The following NTAQ1 variants were observed in gnomAD, a reference collection of about 807,000 sequenced individuals.
NTAQ1 encodes the protein N-terminal glutamine amidase 1, also known as protein N-terminal glutamine amidohydrolase.
A neutral mutation model predicts 28.2 loss-of-function variants in NTAQ1; 21 were observed. That is an observed-to-expected ratio of 0.74 (90% CI 0.53 to 1.07). The LOEUF (loss-of-function observed/expected upper bound fraction) is 1.07. NTAQ1 is among the 50% of genes least tolerant of loss of function. The probability of loss-of-function intolerance (pLI) is 0.00; values close to 1 mark genes in which losing one functional copy is unlikely to be tolerated. For synonymous variants in NTAQ1, 105 were observed against 90.0 expected, an observed-to-expected ratio of 1.17 and a Z score of -0.94; for missense variants, 264 against 256.6, an observed-to-expected ratio of 1.03 and a Z score of -0.20.
Position 123,469,289 on chromosome 8 carries a change from A to G in NTAQ1, c.*2139A>G, listed in dbSNP as rs558716626. Among the ~76,000 whole-genome samples, 5 of 152,320 alleles carry G rather than the reference A, an allele frequency of 3.3e-5. No individual in the cohort carries two copies. In the East Asian group the frequency reaches 9.6e-4, roughly 29 times the overall value. On this transcript the variant is annotated 3_prime_UTR_variant, in exon 7 of 7. Coordinates refer to the NTAQ1 transcript ENST00000650311. Reference sequence around the variant, plus strand: ...GCATTTAGTGTCATACCAAGAAATCATTGGAAATATGTTTTTTCATTTGTT... The same window carrying G: ...GCATTTAGTGTCATACCAAGAAATCGTTGGAAATATGTTTTTTCATTTGTT...
At chr8:123,465,391 C>T (rs964342647) in intron 6 of NTAQ1, among the ~76,000 whole-genome samples, 3 of 151,948 alleles carry the variant, frequency 2.0e-5, no homozygotes, top group African/African-American at 4.8e-5. Flanking sequence ...CACCAGCTTC[C>T]GTCACTGCAG....
At chr8:123,425,186 G>A (rs966159338) in intron 1 of NTAQ1, among the ~76,000 whole-genome samples, 3 of 152,012 alleles carry the variant, frequency 2.0e-5, no homozygotes, top group Admixed American at 1.3e-4. Flanking sequence ...CCGCCTCCTG[G>A]TTTCAAGCGA....
chr8:123,447,839 G>C (rs1282351161), intron 6 of NTAQ1, among the ~76,000 whole-genome samples: 1 of 152,130 alleles, frequency 6.6e-6, no homozygotes, highest in Non-Finnish European at 1.5e-5. Context: ...TTGGCCCTTG[G>C]GCTGTAGTTT....
At chr8:123,435,719 T>C (rs1259223435) in intron 3 of NTAQ1, among the ~76,000 whole-genome samples, 2 of 151,638 alleles carry the variant, frequency 1.3e-5, no homozygotes, top group Non-Finnish European at 2.9e-5. Context: ...ATACAAAAAT[T>C]AGCTGGGCGT....
At chr8:123,422,320 G>A in intron 1 of NTAQ1, among the ~76,000 whole-genome samples, 1 of 150,316 alleles carries the variant, frequency 6.7e-6, no homozygotes, top group Non-Finnish European at 1.5e-5. Flanking sequence ...CTGTCACCCA[G>A]GCTGGAGTGC....
At chr8:123,437,126 T>C (rs1187502673) in intron 4 of NTAQ1, 84 bp from the exon 5 acceptor site, 4 of 1,556,342 alleles carry the variant, frequency 2.6e-6, no homozygotes, top group East Asian at 4.5e-5. Flanking sequence ...GTGCATGTCA[T>C]AGGAAATGAG....
intron 1 of NTAQ1, among the ~76,000 whole-genome samples, chr8:123,419,747 C>CCTCT (rs796797734): frequency 1.1e-5 from 1 of 89,654 alleles, no homozygotes; most frequent in African/African-American, 3.6e-5. Context: ...TCCCTCCCTC[C>CCTCT]CTCCCTCCCT....
chr8:123,467,282 T>G (rs1317731635), exon 7 of NTAQ1: 1 of 152,020 alleles, frequency 6.6e-6, no homozygotes, highest in Non-Finnish European at 1.5e-5. Context: ...GTGATCGACC[T>G]GCCTTGGCCT....
chr8:123,473,194 T>C (rs919055804), downstream of NTAQ1, among the ~76,000 whole-genome samples: 1 of 152,068 alleles, frequency 6.6e-6, no homozygotes, highest in African/African-American at 2.4e-5. Flanking sequence ...TCTGGGAAAA[T>C]CTTCCAAGGC....
chr8:123,436,285 A>G (rs12679801), intron 3 of NTAQ1, among the ~76,000 whole-genome samples, 168 bp from the exon 4 acceptor site: 54,938 of 151,396 alleles, frequency 0.36, 10,064 homozygotes, highest in East Asian at 0.56. Context: ...GTGGACATTT[A>G]GTCTGTTTTC....
chr8:123,439,429 G>T (rs1586951440), intron 5 of NTAQ1, among the ~76,000 whole-genome samples: 1 of 150,058 alleles, frequency 6.7e-6, no homozygotes, highest in East Asian at 2.0e-4. Flanking sequence ...TGCAAGCTCC[G>T]CCTCCCGGGT....
intron 1 of NTAQ1, among the ~76,000 whole-genome samples, chr8:123,420,952 A>C (rs1813647443): frequency 6.6e-6 from 1 of 151,612 alleles, no homozygotes; most frequent in Non-Finnish European, 1.5e-5. Flanking sequence ...ATGCCCAGCT[A>C]ATTTGTGTAT....
At chr8:123,417,697 C>G (rs971961641) in intron 1 of NTAQ1, among the ~76,000 whole-genome samples, 29 of 152,118 alleles carry the variant, frequency 1.9e-4, no homozygotes, top group African/African-American at 6.8e-4. Flanking sequence ...AAACCTACTC[C>G]TCCCCCTTCT....
chr8:123,456,073 T>C (rs1255293124), intron 6 of NTAQ1, among the ~76,000 whole-genome samples: 2 of 152,218 alleles, frequency 1.3e-5, no homozygotes, highest in African/African-American at 4.8e-5. Flanking sequence ...CTGATCCTTA[T>C]GACAGGGCTC....
Position 123,419,081 on chromosome 8 carries a change from GTTTTTTTTTTTTTTTTT to G in NTAQ1, c.83+2168_83+2184del, listed in dbSNP as rs762479894. Among the ~76,000 whole-genome samples, 187 of 119,918 alleles carry G rather than the reference GTTTTTTTTTTTTTTTTT, an allele frequency of 1.6e-3. 11 individuals are homozygous for G. Among genetic ancestry groups the G allele is most frequent in the Middle Eastern group, 4.8e-3 (1 of 208 alleles). The allele number at this position is 119,918 out of a possible 152,430, so 78.7% of individuals were successfully genotyped here. Reference sequence around the variant, plus strand: ...TACTTTGGCTCCTGCAGCTTTGGGGGTTTTTTTTTTTTTTTTTTTTTTTTTTTTTTTTTTTGAGACAG... The same window carrying G: ...TACTTTGGCTCCTGCAGCTTTGGGGGTTTTTTTTTTTTTTTTTTGAGACAG... On this transcript the variant is annotated intron_variant, in intron 1 of 5. Transcript: ENST00000287387.
intron 6 of NTAQ1, among the ~76,000 whole-genome samples, chr8:123,466,635 T>C (rs1390664142): frequency 1.3e-5 from 2 of 152,194 alleles, no homozygotes; most frequent in African/African-American, 4.8e-5. Context: ...AAGATTCTTT[T>C]CTCCTGCTGC....
downstream of NTAQ1, among the ~76,000 whole-genome samples, chr8:123,471,320 C>T (rs575568238): frequency 9.8e-5 from 15 of 152,306 alleles, no homozygotes; most frequent in African/African-American, 3.6e-4. Context: ...CTAATTACAT[C>T]TGCAACAACA....
Position 123,437,203 on chromosome 8 carries a change from TC to T in NTAQ1, c.384-6del. 6.2e-7 allele frequency: 1 copy of T among 1,613,754 alleles called. No homozygotes were observed. Among genetic ancestry groups the T allele is most frequent in the Non-Finnish European group, 8.5e-7 (1 of 1,179,840 alleles). On this transcript the variant is annotated splice_region_variant and splice_polypyrimidine_tract_variant and intron_variant, in intron 4 of 5. Transcript: ENST00000287387. ...CCTAATGTGAGTGTATATTGATTTTTCTGCAGGAAATTTAGAGTGATCCGTG... is the reference window on the plus strand; with the variant it reads ...CCTAATGTGAGTGTATATTGATTTTTTGCAGGAAATTTAGAGTGATCCGTG...
chr8:123,437,422 GTTC>G, intron 5 of NTAQ1, 88 bp downstream of exon 5: 1 of 1,554,704 alleles, frequency 6.4e-7, no homozygotes, highest in Non-Finnish European at 8.7e-7. Flanking sequence ...AAGTCAGGTT[GTTC>G]TTTGAATAAA....
Sources: allele counts gnomAD v4.1 joint callset (sites outside exome capture counted in the v4.1 genomes callset), GRCh38; gene constraint gnomAD v4.1.1; transcripts MANE v1.5; gene names NCBI Gene and HGNC (gene_info 2026-07-23, HGNC 2026-07-21).